CYRIB: variants seen among roughly 807,000 people sequenced by gnomAD.
CYRIB encodes the protein CYFIP related Rac1 interactor B, also known as CYFIP-related Rac1 interactor B.
CYRIB carries 8 observed loss-of-function variants against 44.2 expected under a neutral mutation model. The ratio of observed to expected loss-of-function variants is 0.18; its 90% confidence interval spans 0.11 to 0.33. The LOEUF (loss-of-function observed/expected upper bound fraction) is 0.33. Among genes scored for constraint, CYRIB ranks in the 10% least tolerant of loss-of-function variants. The pLI is 1.00. For missense variants in CYRIB, 185 were observed against 382.8 expected (o/e 0.48, Z 4.31); for synonymous variants, 131 against 127.2 (o/e 1.03, Z -0.20).
chr8:129,900,530 T>A (rs572465458), intron 2 of CYRIB, among the ~76,000 whole-genome samples: 3 of 152,332 alleles, frequency 2.0e-5, no homozygotes, highest in Admixed American at 2.0e-4. Flanking sequence ...CTGATGGAAC[T>A]GCAAAACAGC....
chr8:129,887,173 AGGGCCT>A (rs1454481194), intron 2 of CYRIB, among the ~76,000 whole-genome samples: 2 of 152,106 alleles, frequency 1.3e-5, no homozygotes, highest in African/African-American at 2.4e-5. Flanking sequence ...GGCCAGGCCC[AGGGCCT>A]GGCTGCCCTG....
intron 1 of CYRIB, among the ~76,000 whole-genome samples, chr8:130,009,657 AC>A (rs1450134801): frequency 2.0e-5 from 3 of 152,160 alleles, no homozygotes; most frequent in African/African-American, 7.2e-5. Flanking sequence ...TACAGCTCTC[AC>A]CCACCTGTGA....
At chr8:129,950,584 AT>A (rs1397988367) in intron 2 of CYRIB, among the ~76,000 whole-genome samples, 1 of 151,732 alleles carries the variant, frequency 6.6e-6, no homozygotes, top group Non-Finnish European at 1.5e-5. Flanking sequence ...AAAAAAAAAA[AT>A]GAAGAAACTA....
intron 2 of CYRIB, chr8:129,894,442 A>T (rs1216615831): frequency 1.3e-5 from 2 of 152,018 alleles, no homozygotes; most frequent in Non-Finnish European, 2.9e-5. Context: ...TTCCTTTGTC[A>T]CCTATGGTCC....
chr8:130,000,333 T>C (rs933178747), intron 1 of CYRIB, among the ~76,000 whole-genome samples: 4 of 152,172 alleles, frequency 2.6e-5, no homozygotes, highest in African/African-American at 9.6e-5. Flanking sequence ...TTGCATCTAA[T>C]CACAGAAATA....
At chr8:129,953,930 T>A (rs2094639694) in intron 2 of CYRIB, among the ~76,000 whole-genome samples, 1 of 152,150 alleles carries the variant, frequency 6.6e-6, no homozygotes, top group Non-Finnish European at 1.5e-5. Flanking sequence ...CGAAAGAGCT[T>A]AGGTTCTCAC....
exon 12 of CYRIB, chr8:129,840,912 A>T (rs2035995958): frequency 6.6e-6 from 1 of 152,216 alleles, no homozygotes; most frequent in African/African-American, 2.4e-5. Flanking sequence ...CCATGGTTAA[A>T]CATTTTAATT....
intron 4 of CYRIB, among the ~76,000 whole-genome samples, chr8:129,869,541 A>T (rs2133095160): frequency 6.6e-6 from 1 of 152,332 alleles, no homozygotes; most frequent in African/African-American, 2.4e-5. Flanking sequence ...AACCATCATA[A>T]AAAATTTTAC....
chr8:129,871,441 T>C (rs759093818), exon 4 of CYRIB: 3 of 1,611,744 alleles, frequency 1.9e-6, no homozygotes, highest in East Asian at 2.2e-5. Context: ...CTGCATCTTT[T>C]AATACTACAT....
chr8:129,871,346 T>C (rs752728956), intron 4 of CYRIB, 29 bp downstream of exon 6: 2 of 1,586,288 alleles, frequency 1.3e-6, no homozygotes, highest in Non-Finnish European at 1.7e-6. Context: ...AAGTTTCAGT[T>C]AACTAGAAAA....
intron 1 of CYRIB, among the ~76,000 whole-genome samples, chr8:129,995,990 G>A (rs1592070856): frequency 6.6e-6 from 1 of 152,358 alleles, no homozygotes; most frequent in Non-Finnish European, 1.5e-5. Flanking sequence ...TTGGTCAGCA[G>A]CTGGTCCTCA....
chr8:129,984,298 C>T (rs2096368273), intron 1 of CYRIB, among the ~76,000 whole-genome samples: 1 of 152,300 alleles, frequency 6.6e-6, no homozygotes, highest in African/African-American at 2.4e-5. Flanking sequence ...TTTCCAGTTG[C>T]CCAGGACCTC....
chr8:129,891,850 T>A (rs563086917), intron 2 of CYRIB, among the ~76,000 whole-genome samples: 36 of 152,330 alleles, frequency 2.4e-4, no homozygotes, highest in African/African-American at 8.7e-4. Flanking sequence ...AGACTTCATA[T>A]TATAGAATGA....
chr8:129,963,528 A>T (rs917028347), intron 2 of CYRIB, among the ~76,000 whole-genome samples: 3 of 152,242 alleles, frequency 2.0e-5, no homozygotes, highest in Non-Finnish European at 4.4e-5. Context: ...ATATGAGCAC[A>T]GCAAAGCACC....
intron 1 of CYRIB, among the ~76,000 whole-genome samples, chr8:129,923,294 G>A (rs1399180759): frequency 2.6e-5 from 4 of 151,248 alleles, no homozygotes; most frequent in Non-Finnish European, 4.4e-5. Context: ...GTATGTTTGA[G>A]ATAGAGTTTC....
chr8:129,917,711 G>A (rs896928852), intron 1 of CYRIB, among the ~76,000 whole-genome samples: 4 of 151,906 alleles, frequency 2.6e-5, no homozygotes, highest in Non-Finnish European at 5.9e-5. Flanking sequence ...ACAAAAATTC[G>A]CCGGGCATGG....
intron 1 of CYRIB, among the ~76,000 whole-genome samples, chr8:129,927,393 CA>C (rs2137833052): frequency 6.6e-6 from 1 of 152,210 alleles, no homozygotes; most frequent in African/African-American, 2.4e-5. Flanking sequence ...GTTCTTAGCT[CA>C]AAGAGGCTTC....
intron 11 of CYRIB, among the ~76,000 whole-genome samples, chr8:129,845,455 T>G (rs536462290): frequency 1.8e-4 from 28 of 152,294 alleles, no homozygotes; most frequent in African/African-American, 6.5e-4. Flanking sequence ...ACCCCAAGAA[T>G]ACAGAATTCT....
chr8:129,933,940 T>C (rs1391711219), intron 1 of CYRIB, among the ~76,000 whole-genome samples: 2 of 151,678 alleles, frequency 1.3e-5, no homozygotes, highest in Non-Finnish European at 2.9e-5. Context: ...TGTTTTGTGC[T>C]TGTACTTAAA....
Sources: allele counts gnomAD v4.1 joint callset (sites outside exome capture counted in the v4.1 genomes callset), GRCh38; gene constraint gnomAD v4.1.1; transcripts MANE v1.5; gene names NCBI Gene and HGNC (gene_info 2026-07-23, HGNC 2026-07-21).